The following DRP2 variants were observed in gnomAD, a reference collection of about 807,000 sequenced individuals.
DRP2 encodes dystrophin related protein 2.
In DRP2, 29 loss-of-function variants were observed where a neutral mutation model predicts 78.2. The ratio of observed to expected loss-of-function variants is 0.37; its 90% confidence interval spans 0.28 to 0.51. DRP2 has a LOEUF of 0.51. DRP2 is among the 20% of genes least tolerant of loss of function. The pLI, the probability that DRP2 is intolerant of heterozygous loss-of-function variation, is 0.94. For synonymous variants in DRP2, 290 were observed against 281.9 expected (o/e 1.03, Z -0.29); for missense variants, 686 against 770.6 (o/e 0.89, Z 1.30).
chrX:101,234,486 C>T (rs1922415379), intron 3 of DRP2, among the ~76,000 whole-genome samples: 1 of 112,906 alleles, frequency 8.9e-6, no homozygotes, highest in African/African-American at 3.2e-5. Context: ...CCTCCAGATT[C>T]CTGGGGGGTC....
At chrX:101,224,472 T>A (rs1233097339) in intron 1 of DRP2, 132 bp from the exon 2 acceptor site, 1 of 110,322 alleles carries the variant, frequency 9.1e-6, no homozygotes, top group African/African-American at 3.3e-5. Context: ...GTAGATTTTT[T>A]AAAAATGTTT....
intron 3 of DRP2, 104 bp downstream of exon 3, chrX:101,231,868 A>AT: frequency 1.6e-6 from 1 of 629,491 alleles, no homozygotes; most frequent in African/African-American, 2.2e-5. Context: ...CACTCTCTGT[A>AT]TACATGCAAC....
In DRP2 at chrX:101,238,977, A is replaced by T; in HGVS notation, c.439-4A>T. On this transcript the variant is annotated splice_region_variant and splice_polypyrimidine_tract_variant and intron_variant, in intron 5 of 23. Coordinates refer to ENST00000395209, the MANE Select transcript of DRP2 (RefSeq NM_001939.3). ...CCTGTTGACCATATTGCTAAACTTT[A>T]TAGGCCTTTATGGAAGAAGTCAAGT... 8.3e-7 allele frequency: 1 copy of T among 1,209,587 alleles called. No homozygotes were observed. The highest frequency in any genetic ancestry group is 1.1e-6 in the Non-Finnish European group (1 of 894,575).
At chrX:101,235,784 T>A in intron 3 of DRP2, 76 bp from the exon 4 acceptor site, 2 of 1,049,492 alleles carry the variant, frequency 1.9e-6, no homozygotes, top group Non-Finnish European at 2.6e-6. Flanking sequence ...TGTTCACACT[T>A]GTCTCACCCT....
intron 15 of DRP2, 77 bp downstream of exon 15, chrX:101,250,657 G>A: frequency 8.9e-7 from 1 of 1,122,665 alleles, no homozygotes; most frequent in South Asian, 2.1e-5. Flanking sequence ...AGGACTACGA[G>A]CTAGGCTTTT....
At chrX:101,258,280 A>G (rs1041245190) in intron 21 of DRP2, 29 bp from the exon 22 acceptor site, 38 of 1,136,295 alleles carry the variant, frequency 3.3e-5, no homozygotes, top group Non-Finnish European at 4.4e-5. Flanking sequence ...TGTTAGAGCC[A>G]TAGGTCTTGG....
chrX:101,249,812 G>A (rs1056685105), intron 14 of DRP2, among the ~76,000 whole-genome samples: 2 of 111,836 alleles, frequency 1.8e-5, no homozygotes, highest in African/African-American at 6.5e-5. Flanking sequence ...AGTCCTAGAA[G>A]GGCTTAAATA....
At chrX:101,237,223 G>A (rs1922537451) in intron 4 of DRP2, among the ~76,000 whole-genome samples, 1 of 112,074 alleles carries the variant, frequency 8.9e-6, no homozygotes, top group African/African-American at 3.2e-5. Context: ...GAGCAGTTTG[G>A]CATGACTTGA....
intron 15 of DRP2, 136 bp downstream of exon 15, chrX:101,250,716 G>A (rs1018786367): frequency 1.0e-6 from 1 of 961,392 alleles, no homozygotes; most frequent in Admixed American, 3.5e-5. Context: ...GGAACAACAG[G>A]GCAGAGGGTT....
At chrX:101,258,792 G>A (rs1220640185) in intron 22 of DRP2, among the ~76,000 whole-genome samples, 2 of 111,637 alleles carry the variant, frequency 1.8e-5, no homozygotes, top group Non-Finnish European at 3.8e-5. Flanking sequence ...TCACTCTCCA[G>A]CCACTGTGGG....
rs933321731 is a variant in DRP2 at position 101,262,367 on chromosome X, C to T, written c.*1746C>T. ...GAGCAAACCCAAGCTCTGCCCACCC[C>T]ATGCAGAAAAGGACAAACAGGCCTT... is the stretch of plus-strand genomic sequence containing the variant. On this transcript the variant is annotated 3_prime_UTR_variant, in exon 24 of 24. Coordinates refer to ENST00000395209, the MANE Select transcript of DRP2 (RefSeq NM_001939.3). 8.9e-6 allele frequency: 1 copy of T among 111,762 alleles called. No individual in the cohort carries two copies. The highest frequency in any genetic ancestry group is 1.9e-5 in the Non-Finnish European group (1 of 53,184). 9.2% of individuals were successfully genotyped at this position (111,762 alleles called of 1,213,427 possible).
chrX:101,250,553 G>A lies in DRP2; in HGVS notation c.1671G>A (p.Glu557=). 7 of 1,205,030 alleles carry A rather than the reference G, an allele frequency of 5.8e-6. No individual in the cohort carries two copies. Among genetic ancestry groups the A allele is most frequent in the South Asian group, 1.8e-5 (1 of 55,592 alleles). Residue 557 remains glutamate (E), a synonymous_variant, in exon 15 of 24, where the codon GAG becomes GAA. Transcript: ENST00000395209. ...CAGCCTTTGGGGGCAGCAATGTGGA[G>A]CCCAGTGTCCGTAGTTGCTTCCGTT... The part of the protein sequence containing the change: ...EVAAFGGSNV[E]PSVRSCFRFS...
At chrX:101,243,393 G>T (rs1455277053) in intron 9 of DRP2, among the ~76,000 whole-genome samples, 1 of 80,536 alleles carries the variant, frequency 1.2e-5, no homozygotes, top group East Asian at 3.7e-4. Flanking sequence ...ATGAAACTCC[G>T]TCTCAAAAAA....
At chrX:101,255,002 G>T in intron 19 of DRP2, 78 bp downstream of exon 19, 1 of 1,161,855 alleles carries the variant, frequency 8.6e-7, no homozygotes, top group South Asian at 1.8e-5. Context: ...TCGGGGCAAG[G>T]AGAATGGAGT....
intron 17 of DRP2, among the ~76,000 whole-genome samples, chrX:101,254,173 A>AT (rs141467780): frequency 0.026 from 2,823 of 109,210 alleles, 88 homozygotes; most frequent in African/African-American, 0.091. Flanking sequence ...GAGACAATTA[A>AT]ATTTTTAAGT....
intron 14 of DRP2, 47 bp downstream of exon 14, chrX:101,248,646 G>A: frequency 9.1e-7 from 1 of 1,099,044 alleles, no homozygotes; most frequent in Non-Finnish European, 1.3e-6. Context: ...AGAGGGAAAG[G>A]TGTTGCAGGG....
intron 22 of DRP2, 89 bp downstream of exon 22, chrX:101,258,635 A>G: frequency 1.2e-6 from 1 of 836,254 alleles, no homozygotes; most frequent in Non-Finnish European, 1.7e-6. Context: ...AGAAGACACA[A>G]GAGAGAGCTC....
At chrX:101,247,050 A>T in intron 11 of DRP2, 40 bp from the exon 12 acceptor site, 1 of 1,178,202 alleles carries the variant, frequency 8.5e-7, no homozygotes, top group South Asian at 1.9e-5. Flanking sequence ...TTTAACTTGA[A>T]TTTTTCTGAT....
Position 101,239,046 on chromosome X carries a change from C to T in DRP2, c.504C>T (p.Ala168=). 8.3e-7 allele frequency: 1 copy of T among 1,211,267 alleles called. No homozygotes were observed. The highest frequency in any genetic ancestry group is 1.1e-6 in the Non-Finnish European group (1 of 895,176). ...ATTCTGTGCTGGAGTCAGCTCAGGC[C>T]TTCCTGTCCCAGCACCCATTTGAGG... ...YIYSVLESAQ[A]FLSQHPFEEL... The change falls in exon 6 of 24, where the codon GCC becomes GCT. Residue 168 remains alanine, a synonymous_variant. Coordinates refer to ENST00000395209, the MANE Select transcript of DRP2 (RefSeq NM_001939.3).
Sources: allele counts gnomAD v4.1 joint callset (sites outside exome capture counted in the v4.1 genomes callset), GRCh38; gene constraint gnomAD v4.1.1; transcripts MANE v1.5; gene names NCBI Gene and HGNC (gene_info 2026-07-23, HGNC 2026-07-21).